GUCY2F: variants seen among roughly 807,000 people sequenced by gnomAD.
GUCY2F encodes the protein retinal guanylyl cyclase 2.
In GUCY2F, 61 loss-of-function variants were observed where a neutral mutation model predicts 73.1. The ratio of observed to expected loss-of-function variants is 0.83; its 90% CI spans 0.68 to 1.03. The LOEUF (loss-of-function observed/expected upper bound fraction) is 1.03, where lower values mean the gene tolerates loss of function less well. GUCY2F is among the 50% of genes least tolerant of loss of function. GUCY2F has a pLI of 0.00. For missense variants in GUCY2F, 912 were observed against 854.3 expected (o/e 1.07, Z -0.84); for synonymous variants, 331 against 307.8 (o/e 1.08, Z -0.79).
At chrX:109,470,612 A>G (rs998723216) in intron 2 of GUCY2F, among the ~76,000 whole-genome samples, 2 of 111,683 alleles carry the variant, frequency 1.8e-5, no homozygotes, top group African/African-American at 6.5e-5. Flanking sequence ...GTCTATCAAT[A>G]GACCAGTGGT....
chrX:109,429,005 G>T (rs1436202632), intron 8 of GUCY2F, among the ~76,000 whole-genome samples: 1 of 112,116 alleles, frequency 8.9e-6, no homozygotes, highest in Non-Finnish European at 1.9e-5. Flanking sequence ...CCATAATTTG[G>T]ATTACGAAAC....
intron 19 of GUCY2F, 140 bp downstream of exon 19, chrX:109,375,758 T>G: frequency 1.9e-6 from 1 of 515,442 alleles, no homozygotes; most frequent in Non-Finnish European, 3.4e-6. Context: ...TTTCACCCAT[T>G]TTATTAGAGC....
intron 8 of GUCY2F, among the ~76,000 whole-genome samples, chrX:109,413,738 T>C (rs1417927003): frequency 1.8e-5 from 2 of 110,803 alleles, no homozygotes; most frequent in African/African-American, 6.6e-5. Flanking sequence ...CTGACCTAAG[T>C]TATCTGAAGG....
At chrX:109,410,615 C>G (rs746427706) in intron 8 of GUCY2F, among the ~76,000 whole-genome samples, 1 of 112,060 alleles carries the variant, frequency 8.9e-6, no homozygotes, top group East Asian at 2.8e-4. Flanking sequence ...ATCACTGTCC[C>G]GAAAAAGCTC....
intron 3 of GUCY2F, among the ~76,000 whole-genome samples, chrX:109,461,885 G>A (rs1035726822): frequency 2.7e-5 from 3 of 112,538 alleles, no homozygotes; most frequent in Non-Finnish European, 5.6e-5. Flanking sequence ...ATAAATAGTT[G>A]TTGACCTGTT....
At chrX:109,442,392 C>T (rs551592469) in intron 6 of GUCY2F, among the ~76,000 whole-genome samples, 2 of 111,449 alleles carry the variant, frequency 1.8e-5, no homozygotes, top group African/African-American at 6.5e-5. Context: ...TCAACTCCAA[C>T]ATCCTTATTT....
intron 8 of GUCY2F, among the ~76,000 whole-genome samples, chrX:109,411,421 C>T (rs1020121676): frequency 1.8e-5 from 2 of 111,314 alleles, no homozygotes; most frequent in Admixed American, 9.6e-5. Flanking sequence ...ATAACTTGTG[C>T]TCCAGCATTT....
At chrX:109,402,562 G>C (rs181450878) in intron 10 of GUCY2F, among the ~76,000 whole-genome samples, 2 of 110,788 alleles carry the variant, frequency 1.8e-5, no homozygotes, top group African/African-American at 6.6e-5. Flanking sequence ...TAGTAGAGAT[G>C]GGGTTTCACC....
At chrX:109,379,686 A>G (rs1342451104) in intron 17 of GUCY2F, among the ~76,000 whole-genome samples, 2 of 112,571 alleles carry the variant, frequency 1.8e-5, no homozygotes, top group Non-Finnish European at 1.9e-5. Context: ...AAGGAGCCCC[A>G]CACTTGTCAG....
chrX:109,409,870 C>A (rs957709636), intron 8 of GUCY2F, among the ~76,000 whole-genome samples: 1 of 111,666 alleles, frequency 9.0e-6, no homozygotes, highest in African/African-American at 3.3e-5. Context: ...CATTAAACTT[C>A]TTTCCTTTAT....
rs140729929 is a variant in GUCY2F at position 109,475,432 on chromosome X, G to A, written c.505C>T (p.Leu169Phe). 19 of 1,211,286 alleles carry A rather than the reference G, an allele frequency of 1.6e-5. No homozygotes were observed. The highest frequency in any genetic ancestry group is 1.9e-5 in the Non-Finnish European group (17 of 894,846). Residue 169 changes from leucine (L) to phenylalanine (F), a missense_variant, in exon 2 of 20, where the codon CTC becomes TTC. Leu to Phe is a conservative substitution (Grantham distance 22). Transcript: ENST00000218006. ...KISYPTFSRTLPSPIRVLVTV... is the reference protein window; with the variant it reads ...KISYPTFSRTFPSPIRVLVTV... ...ACAAGCACCCGGATGGGAGAAGGGA[G>A]TGTCCGAGAAAAGGTCGGGTAGCTA...
chrX:109,413,709 T>C (rs887988866), intron 8 of GUCY2F, among the ~76,000 whole-genome samples: 5 of 111,090 alleles, frequency 4.5e-5, no homozygotes, highest in Non-Finnish European at 9.4e-5. Context: ...ACCAGAGACA[T>C]CTGTTCCTAA....
At chrX:109,443,924 C>T (rs756953908) in intron 6 of GUCY2F, among the ~76,000 whole-genome samples, 1 of 112,284 alleles carries the variant, frequency 8.9e-6, no homozygotes, top group African/African-American at 3.2e-5. Flanking sequence ...CATCCTGTCA[C>T]AAAAGTGAAT....
chrX:109,374,321 A>C (rs1166355977), intron 19 of GUCY2F, among the ~76,000 whole-genome samples: 1 of 111,540 alleles, frequency 9.0e-6, no homozygotes, highest in African/African-American at 3.3e-5. Flanking sequence ...AGGACCAGGG[A>C]TGGATTTCCT....
intron 3 of GUCY2F, among the ~76,000 whole-genome samples, chrX:109,461,686 G>A (rs756906019): frequency 2.7e-5 from 3 of 112,091 alleles, no homozygotes; most frequent in East Asian, 2.8e-4. Flanking sequence ...CTGTTTCTGC[G>A]GTGTAACTAC....
intron 17 of GUCY2F, 132 bp downstream of exon 17, chrX:109,381,986 G>A (rs764598823): frequency 7.4e-6 from 3 of 405,460 alleles, no homozygotes; most frequent in Middle Eastern, 3.9e-4. Flanking sequence ...AACCCCAAAT[G>A]GGGCTGAAGA....
At position 109,452,205 on chromosome X, in the gene GUCY2F, T is replaced by A. The variant is rs148563676; in HGVS notation, c.1388-98A>T. On this transcript the variant is annotated intron_variant, in intron 4 of 19. Transcript: ENST00000218006. ...GACTCCTCATGCTTTCTGGTGACTCTAATATCAAGCCACATCTACCTAACC... is the reference window on the plus strand; with the variant it reads ...GACTCCTCATGCTTTCTGGTGACTCAAATATCAAGCCACATCTACCTAACC... 3.8e-3 allele frequency: 2,052 copies of A among 545,023 alleles called. 29 individuals carry two copies. The African/African-American group carries it at 0.04, about 11-fold the overall frequency. The allele number at this position is 545,023 out of a possible 1,213,427, so 44.9% of individuals were successfully genotyped here.
chrX:109,436,850 G>T (rs1322432029), intron 7 of GUCY2F, among the ~76,000 whole-genome samples: 1 of 108,857 alleles, frequency 9.2e-6, no homozygotes, highest in Non-Finnish European at 1.9e-5. Context: ...ACGGGTTAAT[G>T]GGTGCAGCAC....
At position 109,453,875 on chromosome X, in the gene GUCY2F, A is replaced by G. The variant is rs1024389135; in HGVS notation, c.1033-16T>C. The G allele has an allele frequency of 7.0e-6, 7 of 1,005,718 alleles. No individual in the cohort carries two copies. Among genetic ancestry groups the G allele is most frequent in the Non-Finnish European group, 8.2e-6 (6 of 730,362 alleles). 82.9% of individuals were successfully genotyped at this position (1,005,718 alleles called of 1,213,427 possible). ...ACGGTGAAACCTATTTTTAAAAATT[A>G]CAATTATCTTGAGCCCTGGTCGCCC... On this transcript the variant is annotated splice_polypyrimidine_tract_variant and intron_variant, in intron 3 of 19. Transcript: ENST00000218006.
Sources: allele counts gnomAD v4.1 joint callset (sites outside exome capture counted in the v4.1 genomes callset), GRCh38; gene constraint gnomAD v4.1.1; transcripts MANE v1.5; gene names NCBI Gene and HGNC (gene_info 2026-07-23, HGNC 2026-07-21).